Variants in TTC39C observed in about 807,000 individuals in gnomAD.
TTC39C encodes tetratricopeptide repeat protein 39C.
In TTC39C, 33 loss-of-function variants were observed where a neutral mutation model predicts 76.3. The ratio of observed to expected loss-of-function variants is 0.43; its 90% CI spans 0.33 to 0.58. The LOEUF (loss-of-function observed/expected upper bound fraction) is 0.58. TTC39C is among the 20% of genes least tolerant of loss of function. The probability of loss-of-function intolerance (pLI) is 0.04; values close to 1 mark genes in which losing one functional copy is unlikely to be tolerated. For synonymous variants in TTC39C, 254 were observed against 260.6 expected (o/e 0.97, Z 0.24); for missense variants, 595 against 701.4 (o/e 0.85, Z 1.71).
chr18:24,031,428 T>C (rs1481533408), intron 1 of TTC39C, among the ~76,000 whole-genome samples: 1 of 152,198 alleles, frequency 6.6e-6, no homozygotes, highest in Non-Finnish European at 1.5e-5. Context: ...CCTAGCAAGA[T>C]TGCAGGTCAG....
Position 23,996,922 on chromosome 18 carries a change from A to G in TTC39C, c.-17+3884A>G, listed in dbSNP as rs145074167. ...CAGAAGATCGAAACTATCCTGGCTAACATAGTGAAACCCCGTCTCTACTAA... is the reference window on the plus strand; with the variant it reads ...CAGAAGATCGAAACTATCCTGGCTAGCATAGTGAAACCCCGTCTCTACTAA... On this transcript the variant is annotated intron_variant, in intron 1 of 13. Transcript: ENST00000304621. Among the ~76,000 whole-genome samples the G allele has an allele frequency of 1.8e-4, 27 of 151,826 alleles. No homozygotes were observed. In the East Asian group the frequency reaches 5.1e-3, roughly 29 times the overall value.
intron 1 of TTC39C, among the ~76,000 whole-genome samples, chr18:24,008,071 C>T (rs1037367266): frequency 6.6e-6 from 1 of 152,192 alleles, no homozygotes; most frequent in African/African-American, 2.4e-5. Context: ...CCCCAAATCA[C>T]AAAGTCAGTG....
chr18:24,026,802 T>C (rs72877867), intron 1 of TTC39C, among the ~76,000 whole-genome samples: 5,272 of 152,296 alleles, frequency 0.035, 351 homozygotes, highest in Admixed American at 0.16. Context: ...CAGCAGCCAT[T>C]CTTTGTGTTG....
chr18:24,133,973 C>G lies in TTC39C; in HGVS notation c.*1399C>G, dbSNP rs1359605722. The G allele has an allele frequency of 6.5e-6, 1 of 152,770 alleles. No homozygotes were observed. Among genetic ancestry groups the G allele is most frequent in the East Asian group, 1.9e-4 (1 of 5,198 alleles). 9.5% of individuals were successfully genotyped at this position (152,770 alleles called of 1,614,324 possible). A position where few individuals can be genotyped will look rare whatever the true frequency, so the allele number is the denominator to read the frequency against. On this transcript the variant is annotated 3_prime_UTR_variant, in exon 14 of 14. Coordinates refer to ENST00000317571, the MANE Select transcript of TTC39C (RefSeq NM_001135993.2). ...CAAGTAGAATGTTGGCAAATTTTAT[C>G]TGATTTGACCTTGTTTTGAGGGAAT...
At chr18:24,039,658 T>A (rs566301575) in intron 1 of TTC39C, among the ~76,000 whole-genome samples, 9 of 152,026 alleles carry the variant, frequency 5.9e-5, no homozygotes, top group African/African-American at 2.2e-4. Flanking sequence ...AGCAGAGGAG[T>A]GACATGGGTT....
At chr18:24,084,521 C>T (rs2084417624) in intron 6 of TTC39C, among the ~76,000 whole-genome samples, 2 of 152,096 alleles carry the variant, frequency 1.3e-5, no homozygotes, top group Admixed American at 1.3e-4. Context: ...AGATATAGTT[C>T]AGAAAGCCCA....
chr18:24,124,801 A>C (rs1318193230), intron 9 of TTC39C, among the ~76,000 whole-genome samples: 1 of 152,218 alleles, frequency 6.6e-6, no homozygotes, highest in East Asian at 1.9e-4. Context: ...CCGTTGAATT[A>C]TTAGCTGTCA....
Position 24,098,177 on chromosome 18 carries a change from T to C in TTC39C, c.984+15096T>C, listed in dbSNP as rs142681168. Among the ~76,000 whole-genome samples the C allele has an allele frequency of 3.0e-3, 464 of 152,256 alleles. 5 individuals carry two copies. The highest frequency in any genetic ancestry group is 0.011 in the African/African-American group (438 of 41,560). On this transcript the variant is annotated intron_variant, in intron 6 of 13. Coordinates refer to ENST00000317571, the MANE Select transcript of TTC39C (RefSeq NM_001135993.2). ...TTGATACTATGTTTATAATATTTCT[T>C]ATCAGTCACTGAGGATATGTCTTCA...
chr18:24,110,835 A>G (rs926331664), intron 6 of TTC39C, among the ~76,000 whole-genome samples: 1 of 152,190 alleles, frequency 6.6e-6, no homozygotes, highest in African/African-American at 2.4e-5. Flanking sequence ...AAGCTAGCCA[A>G]TATTGTTTCT....
chr18:24,057,101 C>T (rs534269604), intron 1 of TTC39C, among the ~76,000 whole-genome samples: 1 of 19,154 alleles, frequency 5.2e-5, no homozygotes, highest in African/African-American at 6.0e-5. Flanking sequence ...CAGGGCCAGT[C>T]TTGCTTTATC....
rs546115168 is a variant in TTC39C, at chr18:24,025,876, C to T, written c.167+10838C>T. Among the ~76,000 whole-genome samples, 308 of 152,278 alleles carry T rather than the reference C, an allele frequency of 2.0e-3. 1 individual carries two copies. Among genetic ancestry groups the T allele is most frequent in the African/African-American group, 7.2e-3 (299 of 41,548 alleles). ...GAAGAGGCTGCCCAGGCTGGCACAG[C>T]TGTGGCTGAAGGAGAGAGGCAGAGA... is the stretch of plus-strand genomic sequence containing the variant. On this transcript the variant is annotated intron_variant, in intron 1 of 13. Transcript: ENST00000317571.
At chr18:24,045,246 G>A (rs55644731) in intron 1 of TTC39C, among the ~76,000 whole-genome samples, 4 of 123,658 alleles carry the variant, frequency 3.2e-5, no homozygotes, top group Non-Finnish European at 6.4e-5. Flanking sequence ...TCCAGCCTGG[G>A]TGACAGAGTA....
In TTC39C at chr18:24,130,296, A is replaced by C; in HGVS notation, c.1519-17A>C. ...TAGGAAAATGAATTCATCCAATAAC[A>C]TTTGCATTCCTTTCAGTACTTCCAG... On this transcript the variant is annotated splice_polypyrimidine_tract_variant and intron_variant, in intron 11 of 13. Coordinates refer to ENST00000317571, the MANE Select transcript of TTC39C (RefSeq NM_001135993.2). 1 of 1,414,748 alleles carries C rather than the reference A, an allele frequency of 7.1e-7. No individual in the cohort carries two copies. Among genetic ancestry groups the C allele is most frequent in the African/African-American group, 1.4e-5 (1 of 69,510 alleles). The allele number at this position is 1,414,748 out of a possible 1,614,324, so 87.6% of individuals were successfully genotyped here. A position where few individuals can be genotyped will look rare whatever the true frequency, so the allele number is the denominator to read the frequency against.
chr18:23,995,280 T>C (rs8097297), intron 1 of TTC39C, among the ~76,000 whole-genome samples: 55,818 of 151,840 alleles, frequency 0.37, 14,249 homozygotes, highest in African/African-American at 0.69. Context: ...CCAGCCTGGC[T>C]AGCATGTCGA....
intron 1 of TTC39C, among the ~76,000 whole-genome samples, chr18:23,999,158 T>C (rs1452668619): frequency 2.0e-5 from 3 of 152,220 alleles, no homozygotes; most frequent in Non-Finnish European, 4.4e-5. Flanking sequence ...TGTGATGAAA[T>C]GGTTTCCTCT....
intron 1 of TTC39C, among the ~76,000 whole-genome samples, chr18:24,003,553 AATC>A (rs2083329631): frequency 6.6e-6 from 1 of 152,208 alleles, no homozygotes; most frequent in African/African-American, 2.4e-5. Context: ...GTTTCTGATG[AATC>A]ATAAGTCATA....
At chr18:23,997,803 G>C (rs1374420929) in intron 1 of TTC39C, among the ~76,000 whole-genome samples, 4 of 151,944 alleles carry the variant, frequency 2.6e-5, no homozygotes, top group Non-Finnish European at 4.4e-5. Flanking sequence ...TTGAGCCTAG[G>C]AGTTTAAGGT....
chr18:24,099,005 ATGTGTG>A (rs71373362), intron 6 of TTC39C, among the ~76,000 whole-genome samples: 12 of 130,734 alleles, frequency 9.2e-5, no homozygotes, highest in East Asian at 2.2e-4. Context: ...AGTTAGAGGA[ATGTGTG>A]TGTGTGTGTG....
At chr18:24,112,956 AT>A (rs879923455) in intron 6 of TTC39C, among the ~76,000 whole-genome samples, 136 of 146,972 alleles carry the variant, frequency 9.3e-4, no homozygotes, top group South Asian at 1.3e-3. Context: ...TAAAGGATTG[AT>A]TTTTTTTTTT....
Sources: allele counts gnomAD v4.1 joint callset (sites outside exome capture counted in the v4.1 genomes callset), GRCh38; gene constraint gnomAD v4.1.1; transcripts MANE v1.5; gene names NCBI Gene and HGNC (gene_info 2026-07-23, HGNC 2026-07-21).